The following AHRR variants were observed in gnomAD, a reference collection of about 807,000 sequenced individuals.
AHRR encodes the protein ahR repressor.
Under a neutral mutation model 44.0 loss-of-function variants are expected in AHRR, and 28 were observed. That is an observed-to-expected ratio of 0.64 (90% CI 0.47 to 0.87). The LOEUF is 0.87. AHRR is among the 40% of genes least tolerant of loss of function. The pLI, the probability that AHRR is intolerant of heterozygous loss-of-function variation, is 0.00. For synonymous variants in AHRR, 434 were observed against 407.0 expected, an observed-to-expected ratio of 1.07 and a Z score of -0.80; for missense variants, 990 against 953.9, an observed-to-expected ratio of 1.04 and a Z score of -0.50.
Position 435,253 on chromosome 5 carries a change from G to T in AHRR, c.*419G>T, listed in dbSNP as rs112725029. The T allele has an allele frequency of 4.8e-6, 1 of 209,506 alleles. No homozygotes were observed. Among genetic ancestry groups the T allele is most frequent in the African/African-American group, 2.3e-5 (1 of 43,214 alleles). 13.0% of individuals were successfully genotyped at this position (209,506 alleles called of 1,614,324 possible). On this transcript the variant is annotated 3_prime_UTR_variant, in exon 11 of 11. Transcript: ENST00000684583. ...GCGGTCGGGTGATGCTCCCAAGTCCGCAGTCGGGGATGAAGCGGTCGGGTG... is the reference window on the plus strand; with the variant it reads ...GCGGTCGGGTGATGCTCCCAAGTCCTCAGTCGGGGATGAAGCGGTCGGGTG...
Position 434,368 on chromosome 5 carries a change from G to C in AHRR, c.1628G>C (p.Gly543Ala), listed in dbSNP as rs1736893688. 1 of 1,613,424 alleles carries C rather than the reference G, an allele frequency of 6.2e-7. No homozygotes were observed. Among genetic ancestry groups the C allele is most frequent in the Non-Finnish European group, 8.5e-7 (1 of 1,179,966 alleles). The change falls in exon 11 of 11, where the codon GGT (glycine) becomes GCT (alanine). Residue 543 changes from glycine to alanine, a missense_variant. Gly to Ala is a moderately conservative substitution (Grantham distance 60). Coordinates refer to ENST00000684583, the MANE Select transcript of AHRR (RefSeq NM_001377236.1). Reference protein sequence around the residue: ...IKMEKDSGCEGAADGCVPSQV... With the variant: ...IKMEKDSGCEAAADGCVPSQV... ...ATGGAGAAGGACTCTGGGTGTGAGG[G>C]TGCTGCAGACGGCTGTGTGCCCAGC...
intron 10 of AHRR, 121 bp downstream of exon 10, chr5:433,068 AC>A: frequency 8.0e-7 from 1 of 1,244,728 alleles, no homozygotes; most frequent in Non-Finnish European, 1.1e-6. Flanking sequence ...AGCCTTGGCC[AC>A]CACACGAGCC....
intron 1 of AHRR, among the ~76,000 whole-genome samples, chr5:322,171 G>C (rs577434404): frequency 3.9e-5 from 6 of 152,120 alleles, no homozygotes; most frequent in Non-Finnish European, 5.9e-5. Context: ...CCCCGCTGTC[G>C]GGCCGAGGGC....
intron 1 of AHRR, among the ~76,000 whole-genome samples, chr5:339,727 G>A (rs1742265710): frequency 6.6e-6 from 1 of 152,122 alleles, no homozygotes; most frequent in African/African-American, 2.4e-5. Context: ...CTAGTTTGAT[G>A]AGAGGTTTTT....
intron 1 of AHRR, among the ~76,000 whole-genome samples, chr5:332,694 TC>T (rs1212410251): frequency 6.6e-6 from 1 of 152,194 alleles, no homozygotes; most frequent in East Asian, 1.9e-4. Context: ...AGGCCTAAAG[TC>T]CAGTTGAAAT....
At chr5:402,208 C>T (rs1468741505) in intron 4 of AHRR, among the ~76,000 whole-genome samples, 2 of 152,226 alleles carry the variant, frequency 1.3e-5, no homozygotes, top group Non-Finnish European at 2.9e-5. Context: ...TCGGCATCGC[C>T]AGGCACAGGG....
chr5:325,330 G>A (rs1344097094), intron 1 of AHRR, among the ~76,000 whole-genome samples: 2 of 152,218 alleles, frequency 1.3e-5, no homozygotes, highest in Non-Finnish European at 2.9e-5. Context: ...ACCTCAAGGG[G>A]TGGTCGAGTG....
In AHRR at chr5:433,838, G is replaced by C. The variant is rs116234373; in HGVS notation, c.1113-15G>C. On this transcript the variant is annotated splice_polypyrimidine_tract_variant and intron_variant, in intron 10 of 10. Transcript: ENST00000684583. Reference sequence around the variant, plus strand: ...CTTCAGCTGCTGTCAAATGGGCCCCGTCTTTTCTCTGCAGGGACAGGGAGG... The same window carrying C: ...CTTCAGCTGCTGTCAAATGGGCCCCCTCTTTTCTCTGCAGGGACAGGGAGG... The C allele has an allele frequency of 1.3e-6, 2 of 1,482,428 alleles. No homozygotes were observed. The highest frequency in any genetic ancestry group is 5.1e-5 in the Admixed American group (2 of 39,414). 91.8% of individuals were successfully genotyped at this position (1,482,428 alleles called of 1,614,324 possible).
rs117431561 is a variant in AHRR, at chr5:423,449, G to A, written c.572-392G>A. ...AGAGGCGACACCTGCCCGCGGTCCT[G>A]TGCAGAGGGTGGCTCCTGGGTTCTC... On this transcript the variant is annotated intron_variant, in intron 6 of 10. Transcript: ENST00000684583. 8.2e-4 allele frequency among the ~76,000 whole-genome samples: 125 copies of A among 152,326 alleles called. 1 individual carries two copies. The East Asian group carries it at 0.022, about 27-fold the overall frequency.
At chr5:393,887 C>T (rs547848967) in intron 4 of AHRR, among the ~76,000 whole-genome samples, 1 of 152,338 alleles carries the variant, frequency 6.6e-6, no homozygotes, top group Admixed American at 6.5e-5. Context: ...ATCAGCCTCC[C>T]AAAGTGCTGG....
intron 4 of AHRR, among the ~76,000 whole-genome samples, chr5:401,365 G>A (rs1210730221): frequency 6.6e-6 from 1 of 152,204 alleles, no homozygotes; most frequent in Non-Finnish European, 1.5e-5. Context: ...CACAGGTGCC[G>A]GCTCTGGGCC....
chr5:385,602 C>A (rs1734146736), intron 4 of AHRR, among the ~76,000 whole-genome samples: 1 of 152,186 alleles, frequency 6.6e-6, no homozygotes, highest in Non-Finnish European at 1.5e-5. Flanking sequence ...AATTCACAGT[C>A]ATTCAAATTA....
rs924244658 is a variant in AHRR at position 337,527 on chromosome 5, C to T, written c.-10-6366C>T. 1.8e-4 allele frequency among the ~76,000 whole-genome samples: 27 copies of T among 152,134 alleles called. No homozygotes were observed. The highest frequency in any genetic ancestry group is 1.1e-3 in the Admixed American group (17 of 15,264). ...CTGAGTAGCTGAGACTACAGACATG[C>T]GCCACCATGCTTGGCTAATTTTTAA... On this transcript the variant is annotated intron_variant, in intron 1 of 10. Transcript: ENST00000684583. This position sits in a 1 kb window ranked among gnomAD's most constrained non-coding sequence, Gnocchi z 4.1.
intron 3 of AHRR, among the ~76,000 whole-genome samples, chr5:371,983 G>A (rs1439437022): frequency 6.6e-6 from 1 of 152,214 alleles, no homozygotes; most frequent in Non-Finnish European, 1.5e-5. Flanking sequence ...CTCAGGCCCC[G>A]CCGAGGGCTC....
At chr5:379,138 C>T (rs549258646) in intron 4 of AHRR, among the ~76,000 whole-genome samples, 5 of 152,330 alleles carry the variant, frequency 3.3e-5, no homozygotes, top group South Asian at 4.1e-4. Flanking sequence ...CGGAGTCACA[C>T]GCATGGCCTT....
chr5:367,263 C>T (rs149003884), intron 3 of AHRR, among the ~76,000 whole-genome samples: 182 of 152,310 alleles, frequency 1.2e-3, no homozygotes, highest in African/African-American at 4.3e-3. Flanking sequence ...AACGGGAGTT[C>T]GTGGGCACGT....
At chr5:410,246 A>G (rs1428271910) in intron 4 of AHRR, among the ~76,000 whole-genome samples, 1 of 152,196 alleles carries the variant, frequency 6.6e-6, no homozygotes, top group East Asian at 1.9e-4. Context: ...ACCCAGGCTG[A>G]AGTGCAGTGG....
At chr5:422,304 C>T in intron 5 of AHRR, 1 of 283,788 alleles carries the variant, frequency 3.5e-6, no homozygotes. Flanking sequence ...CTTGAGGCAT[C>T]GTGAAAGTGG....
chr5:371,380 C>T (rs892279033), intron 3 of AHRR, among the ~76,000 whole-genome samples: 6 of 152,200 alleles, frequency 3.9e-5, no homozygotes, highest in Non-Finnish European at 7.3e-5. Context: ...GTTCGAGGGC[C>T]GGCTGTGACT....
Sources: gnomAD v4.1 joint callset for allele counts (sites outside exome capture counted in the v4.1 genomes callset) on GRCh38, gnomAD v4.1.1 for gene constraint, Gnocchi (gnomAD v3.1) non-coding constraint, MANE v1.5 for transcripts, NCBI Gene and HGNC (gene_info 2026-07-23, HGNC 2026-07-21) for gene names.